The following GPHN variants were observed in gnomAD, a reference collection of about 807,000 sequenced individuals.
The protein encoded by GPHN is gephyrin.
A neutral mutation model predicts 95.5 loss-of-function variants in GPHN; 17 were observed. The ratio of observed to expected loss-of-function variants is 0.18; its 90% CI spans 0.12 to 0.27. The LOEUF is 0.27. GPHN is among the 10% of genes least tolerant of loss of function. GPHN has a pLI of 1.00. For missense variants in GPHN, 660 were observed against 978.1 expected (o/e 0.67, Z 4.34); for synonymous variants, 320 against 322.5 (o/e 0.99, Z 0.08).
chr14:67,192,097 G>A, the GPHN span, among the ~76,000 whole-genome samples: 1 of 152,190 alleles, frequency 6.6e-6, no homozygotes, highest in Non-Finnish European at 1.5e-5. Flanking sequence ...TGCCACCCTC[G>A]CTCTGCAGCG....
the GPHN span, among the ~76,000 whole-genome samples, chr14:67,545,856 A>C: frequency 1.1e-4 from 16 of 152,282 alleles, no homozygotes; most frequent in African/African-American, 3.8e-4. Flanking sequence ...GACAGTACTA[A>C]TTGTTGTTTC....
chr14:67,614,020 G>A, the GPHN span, among the ~76,000 whole-genome samples: 2 of 152,104 alleles, frequency 1.3e-5, no homozygotes, highest in African/African-American at 2.4e-5. Context: ...CTGCAGCCCC[G>A]ACCTCTTGGG....
chr14:67,080,585 T>C (rs1263758051), intron 11 of GPHN, among the ~76,000 whole-genome samples: 1 of 152,050 alleles, frequency 6.6e-6, no homozygotes, highest in East Asian at 1.9e-4. Context: ...TTTTCTTTGT[T>C]GTTGTTTTTT....
At chr14:66,718,857 A>T (rs2070454015) in intron 2 of GPHN, among the ~76,000 whole-genome samples, 1 of 151,258 alleles carries the variant, frequency 6.6e-6, no homozygotes, top group South Asian at 2.1e-4. Flanking sequence ...CTGAGCTCAG[A>T]CTCTCCTTGG....
chr14:67,180,919 G>A lies in GPHN; in HGVS notation c.2292G>A (p.Met764Ile). 6.2e-7 allele frequency: 1 copy of A among 1,613,946 alleles called. No individual in the cohort carries two copies. Among genetic ancestry groups the A allele is most frequent in the Non-Finnish European group, 8.5e-7 (1 of 1,179,926 alleles). Residue 764 changes from methionine to isoleucine, a missense_variant, in exon 23 of 23, where the codon ATG becomes ATA. Physicochemically the swap from Met to Ile is conservative, Grantham distance 10 (BLOSUM62 1). Coordinates refer to ENST00000478722, the MANE Select transcript of GPHN (RefSeq NM_020806.5). ...ACAAAGGCGAGGTGGTGGATGTCAT[G>A]GTCATTGGACGGCTATGATGGTCAC... ...ELHKGEVVDV[M>I]VIGRL
chr14:66,761,252 A>T (rs886199350), intron 2 of GPHN, among the ~76,000 whole-genome samples: 3 of 152,174 alleles, frequency 2.0e-5, no homozygotes, highest in African/African-American at 7.2e-5. Context: ...TCTACTTATA[A>T]CTATAGAAGT....
intron 3 of GPHN, among the ~76,000 whole-genome samples, chr14:66,794,911 G>T (rs1053162466): frequency 6.6e-6 from 1 of 152,052 alleles, no homozygotes; most frequent in African/African-American, 2.4e-5. Flanking sequence ...TTTTTATGTG[G>T]ATTTGTCTAT....
At chr14:67,078,126 T>G (rs972105796) in intron 11 of GPHN, among the ~76,000 whole-genome samples, 19 of 152,332 alleles carry the variant, frequency 1.2e-4, no homozygotes, top group African/African-American at 3.8e-4. Flanking sequence ...CCATAGCTTC[T>G]TGGCACACAG....
At chr14:67,724,485 T>C in the GPHN span, 1 of 1,609,944 alleles carries the variant, frequency 6.2e-7, no homozygotes, top group South Asian at 1.1e-5. Context: ...AGTTCTTTGC[T>C]GGTGGAGTGT....
At chr14:67,541,795 CTTAT>C in the GPHN span, 1 of 1,379,582 alleles carries the variant, frequency 7.2e-7, no homozygotes, top group South Asian at 1.4e-5. Context: ...TCCTCACACG[CTTAT>C]TTATCTTTTC....
At chr14:67,026,382 A>G (rs2073925687) in intron 10 of GPHN, among the ~76,000 whole-genome samples, 1 of 152,188 alleles carries the variant, frequency 6.6e-6, no homozygotes, top group Admixed American at 6.5e-5. Context: ...TATTTTCTTG[A>G]TAATGATGAT....
chr14:66,514,885 A>G (rs1446330074), intron 1 of GPHN, among the ~76,000 whole-genome samples: 2 of 152,066 alleles, frequency 1.3e-5, no homozygotes, highest in Non-Finnish European at 2.9e-5. Context: ...GGGAGGCTGC[A>G]TGGTGTAGCT....
the GPHN span, chr14:67,585,304 T>C: frequency 4.5e-6 from 2 of 444,202 alleles, no homozygotes; most frequent in South Asian, 4.5e-5. Context: ...CAGCATGGGT[T>C]CTAGGGACAT....
chr14:67,672,692 C>T, the GPHN span, among the ~76,000 whole-genome samples: 1 of 152,076 alleles, frequency 6.6e-6, no homozygotes, highest in African/African-American at 2.4e-5. Flanking sequence ...ATCCGCCCGC[C>T]TCGGCTTCCC....
At chr14:67,301,378 T>C in the GPHN span, 1 of 1,593,016 alleles carries the variant, frequency 6.3e-7, no homozygotes, top group Non-Finnish European at 8.6e-7. Flanking sequence ...ATCTTTATTT[T>C]TGTTTCTTAG....
chr14:66,811,432 T>G (rs2060757336), intron 3 of GPHN, among the ~76,000 whole-genome samples: 1 of 152,164 alleles, frequency 6.6e-6, no homozygotes, highest in African/African-American at 2.4e-5. Flanking sequence ...AATAAAATGT[T>G]TGTGATTTTT....
intron 10 of GPHN, among the ~76,000 whole-genome samples, chr14:67,042,153 A>C (rs534372915): frequency 1.3e-5 from 2 of 151,454 alleles, no homozygotes; most frequent in African/African-American, 4.9e-5. Context: ...ATTTTCTCCC[A>C]TTCTGTAGGT....
chr14:66,786,926 T>C (rs897554566), intron 3 of GPHN, among the ~76,000 whole-genome samples: 4 of 152,116 alleles, frequency 2.6e-5, no homozygotes, highest in African/African-American at 9.6e-5. Flanking sequence ...TACTTAATGG[T>C]GAAAGAATGT....
chr14:67,650,665 G>A, the GPHN span: 1 of 1,562,390 alleles, frequency 6.4e-7, no homozygotes, highest in Non-Finnish European at 8.8e-7. Flanking sequence ...GACCCTCACT[G>A]AGAGTAGCAG....
Sources: allele counts gnomAD v4.1 joint callset (sites outside exome capture counted in the v4.1 genomes callset), GRCh38; gene constraint gnomAD v4.1.1; transcripts MANE v1.5; gene names NCBI Gene and HGNC (gene_info 2026-07-23, HGNC 2026-07-21).